The following FMN2 variants were observed in gnomAD, a reference collection of about 807,000 sequenced individuals.
FMN2 encodes formin-2.
Under a neutral mutation model 142.3 loss-of-function variants are expected in FMN2, and 51 were observed. The ratio of observed to expected loss-of-function variants is 0.36; its 90% confidence interval spans 0.29 to 0.45. The LOEUF is 0.45. FMN2 is among the 20% of genes least tolerant of loss of function. The probability of loss-of-function intolerance (pLI) is 1.00; values close to 1 mark genes in which losing one functional copy is unlikely to be tolerated. For synonymous variants in FMN2, 882 were observed against 869.8 expected, an observed-to-expected ratio of 1.01 and a Z score of -0.25; for missense variants, 1,936 against 2,122.8, an observed-to-expected ratio of 0.91 and a Z score of 1.73.
At chr1:240,223,251 T>G (rs1400132618) in intron 6 of FMN2, among the ~76,000 whole-genome samples, 1 of 152,222 alleles carries the variant, frequency 6.6e-6, no homozygotes, top group African/African-American at 2.4e-5. Context: ...ATCATCTGGT[T>G]TTTTGCACTG....
intron 14 of FMN2, among the ~76,000 whole-genome samples, chr1:240,358,142 G>C (rs1672337510): frequency 6.6e-6 from 1 of 152,150 alleles, no homozygotes; most frequent in South Asian, 2.1e-4. Context: ...CGAGTTTTCT[G>C]TTTCTTTGTT....
At chr1:240,225,759 G>A (rs1013462310) in intron 6 of FMN2, among the ~76,000 whole-genome samples, 2 of 152,038 alleles carry the variant, frequency 1.3e-5, no homozygotes, top group Non-Finnish European at 2.9e-5. Context: ...AGAACTCAAC[G>A]CACCCATTAA....
intron 7 of FMN2, among the ~76,000 whole-genome samples, chr1:240,275,677 A>G (rs1669180616): frequency 6.6e-6 from 1 of 152,290 alleles, no homozygotes; most frequent in Middle Eastern, 3.4e-3. Context: ...ACTGTCCTCC[A>G]CAATGGTTGA....
chr1:240,330,142 T>G (rs751897667), intron 10 of FMN2, among the ~76,000 whole-genome samples: 21 of 152,330 alleles, frequency 1.4e-4, no homozygotes, highest in Non-Finnish European at 5.9e-5. Context: ...AACCTAAATT[T>G]AGAAATTAAT....
chr1:240,320,916 A>C (rs1205137969), intron 8 of FMN2, among the ~76,000 whole-genome samples: 1 of 152,210 alleles, frequency 6.6e-6, no homozygotes, highest in African/African-American at 2.4e-5. Flanking sequence ...AGGCAGTGAC[A>C]CCAAACTAAG....
At chr1:240,123,038 T>G in intron 1 of FMN2, 141 bp from the exon 2 acceptor site, 1 of 869,072 alleles carries the variant, frequency 1.2e-6, no homozygotes, top group Non-Finnish European at 1.7e-6. Flanking sequence ...TCTCCTAGCT[T>G]GAGAGGCTCC....
chr1:240,264,144 T>C (rs1033747266), intron 7 of FMN2, among the ~76,000 whole-genome samples: 1 of 152,166 alleles, frequency 6.6e-6, no homozygotes, highest in Non-Finnish European at 1.5e-5. Context: ...ATGCACAGGC[T>C]CTTAGATTTC....
chr1:240,325,164 C>T (rs960961950), intron 8 of FMN2, among the ~76,000 whole-genome samples: 1 of 151,834 alleles, frequency 6.6e-6, no homozygotes, highest in Non-Finnish European at 1.5e-5. Flanking sequence ...TTGAGACCAG[C>T]CTGGGCAACA....
intron 14 of FMN2, among the ~76,000 whole-genome samples, chr1:240,380,494 T>C (rs1673187736): frequency 6.6e-6 from 1 of 152,154 alleles, no homozygotes; most frequent in African/African-American, 2.4e-5. Context: ...TAAATCCTGT[T>C]GAACTGATAA....
chr1:240,254,658 C>A (rs922377439), intron 6 of FMN2, among the ~76,000 whole-genome samples: 3 of 152,080 alleles, frequency 2.0e-5, no homozygotes, highest in Non-Finnish European at 4.4e-5. Context: ...CAGTTGTAAA[C>A]AGGTGACTGG....
At chr1:240,385,430 C>T (rs1252253987) in intron 14 of FMN2, among the ~76,000 whole-genome samples, 1 of 152,050 alleles carries the variant, frequency 6.6e-6, no homozygotes, top group East Asian at 1.9e-4. Context: ...GGAATTGGCC[C>T]AAGGCATGTC....
intron 8 of FMN2, among the ~76,000 whole-genome samples, chr1:240,308,860 G>A (rs938635650): frequency 6.6e-6 from 1 of 152,144 alleles, no homozygotes; most frequent in Admixed American, 6.5e-5. Flanking sequence ...ACAATTTTTG[G>A]CCTGGGCAAT....
chr1:240,368,087 C>A (rs73126293), intron 14 of FMN2, among the ~76,000 whole-genome samples: 2,275 of 152,204 alleles, frequency 0.015, 51 homozygotes, highest in African/African-American at 0.052. Context: ...ATTCCATTAG[C>A]CTATTTCCAT....
chr1:240,246,136 C>T (rs3943443), intron 6 of FMN2, among the ~76,000 whole-genome samples: 53,104 of 151,598 alleles, frequency 0.35, 9,311 homozygotes, highest in Middle Eastern at 0.47. Flanking sequence ...GCTGAGATCG[C>T]ACCACTGCAC....
intron 14 of FMN2, among the ~76,000 whole-genome samples, chr1:240,378,149 TTTATTA>T (rs751104290): frequency 2.0e-5 from 3 of 151,882 alleles, no homozygotes; most frequent in African/African-American, 7.2e-5. Flanking sequence ...TTTTTTATTT[TTTATTA>T]TTATTATTTT....
intron 2 of FMN2, chr1:240,143,052 T>C (rs1663260353): frequency 2.0e-6 from 3 of 1,497,060 alleles, no homozygotes; most frequent in Non-Finnish European, 2.8e-6. Context: ...GTCACTGTGG[T>C]AGGGGCAGAG....
At chr1:240,187,052 G>A (rs113490030) in intron 3 of FMN2, among the ~76,000 whole-genome samples, 1,607 of 150,618 alleles carry the variant, frequency 0.011, 31 homozygotes, top group African/African-American at 0.037. Flanking sequence ...GGATCACGAG[G>A]TCAGGAGTTC....
chr1:240,380,250 T>A (rs1161071316), intron 14 of FMN2, among the ~76,000 whole-genome samples: 1 of 152,198 alleles, frequency 6.6e-6, no homozygotes, highest in Non-Finnish European at 1.5e-5. Context: ...CAAGTTTCAA[T>A]GAATTTTTTA....
intron 15 of FMN2, among the ~76,000 whole-genome samples, chr1:240,399,364 T>A (rs1481094814): frequency 6.6e-6 from 1 of 152,190 alleles, no homozygotes; most frequent in African/African-American, 2.4e-5. Flanking sequence ...AACAGTTATT[T>A]AACATGTCTA....
Sources: allele counts gnomAD v4.1 joint callset (sites outside exome capture counted in the v4.1 genomes callset), GRCh38; gene constraint gnomAD v4.1.1; transcripts MANE v1.5; gene names NCBI Gene and HGNC (gene_info 2026-07-23, HGNC 2026-07-21).